LIN52: variants seen among roughly 807,000 people sequenced by gnomAD.
LIN52 encodes lin-52 DREAM MuvB core complex component, also known as protein lin-52 homolog.
LIN52 carries 4 observed loss-of-function variants against 18.5 expected under a neutral mutation model. The observed-to-expected ratio is 0.22, with a 90% confidence interval of 0.11 to 0.49. The LOEUF (loss-of-function observed/expected upper bound fraction) is 0.49, where lower values mean the gene tolerates loss of function less well. LIN52 is among the 20% of genes least tolerant of loss of function. LIN52 has a pLI of 0.97. For missense variants in LIN52, 102 were observed against 139.5 expected (o/e 0.73, Z 1.35); for synonymous variants, 34 against 45.5 (o/e 0.75, Z 1.02).
chr14:74,164,272 C>T lies in LIN52; in HGVS notation c.284-34650C>T, dbSNP rs577549736. The stretch of plus-strand genomic sequence containing the variant: ...CTGGGATTACAGGCGTGAGCCACTG[C>T]GCCCAGCCGTTTTTGTTTTTTTTTG... On this transcript the variant is annotated intron_variant, in intron 5 of 5. Coordinates refer to ENST00000555028, the MANE Select transcript of LIN52 (RefSeq NM_001024674.3). Among the ~76,000 whole-genome samples, 8 of 132,996 alleles carry T rather than the reference C, an allele frequency of 6.0e-5. No individual in the cohort carries two copies. The South Asian group carries it at 7.2e-4, about 12-fold the overall frequency. 87.3% of individuals were successfully genotyped at this position (132,996 alleles called of 152,430 possible). A position where few individuals can be genotyped will look rare whatever the true frequency, so the allele number is the denominator to read the frequency against.
intron 5 of LIN52, among the ~76,000 whole-genome samples, chr14:74,148,904 A>G (rs1412807304): frequency 6.6e-6 from 1 of 152,250 alleles, no homozygotes; most frequent in Non-Finnish European, 1.5e-5. Flanking sequence ...GAAAGCCACC[A>G]TCAAGTGTCT....
intron 4 of LIN52, among the ~76,000 whole-genome samples, chr14:74,098,285 G>A (rs1256115459): frequency 3.9e-5 from 6 of 152,060 alleles, no homozygotes; most frequent in African/African-American, 1.4e-4. Context: ...TTGGGAGGCC[G>A]AGGTGGGTGG....
chr14:74,116,311 AAAAAT>A (rs1006279939), intron 5 of LIN52, among the ~76,000 whole-genome samples: 4 of 104,898 alleles, frequency 3.8e-5, no homozygotes, highest in African/African-American at 1.1e-4. Flanking sequence ...TCAAAAAATA[AAAAAT>A]AAAAAAAATA....
chr14:74,197,894 A>G (rs2078924058), intron 5 of LIN52, among the ~76,000 whole-genome samples: 1 of 152,206 alleles, frequency 6.6e-6, no homozygotes, highest in Admixed American at 6.5e-5. Flanking sequence ...GGCAACAAGG[A>G]GGCCAGGGTG....
chr14:74,140,992 T>A lies in LIN52; in HGVS notation c.283+39754T>A, dbSNP rs2061127509. ...AGCTATCGTAGGAACATTACAATGA[T>A]GTTAACTACAAAAGGAACAGTTTTA... On this transcript the variant is annotated intron_variant, in intron 5 of 5. Transcript: ENST00000555028. Among the ~76,000 whole-genome samples, 4 of 152,192 alleles carry A rather than the reference T, an allele frequency of 2.6e-5. 1 individual carries two copies. The highest frequency in any genetic ancestry group is 2.6e-4 in the Admixed American group (4 of 15,280).
chr14:74,180,500 C>T lies in LIN52; in HGVS notation c.284-18422C>T, dbSNP rs967792786. Among the ~76,000 whole-genome samples the T allele has an allele frequency of 8.8e-4, 134 of 151,974 alleles. 1 individual carries two copies. The highest frequency in any genetic ancestry group is 7.8e-4 in the East Asian group (4 of 5,142). ...GTCTCGATCTCCTGACCTCGTGATCCACTCGCCTCGGCCTCCCAAAGTACT... is the reference window on the plus strand; with the variant it reads ...GTCTCGATCTCCTGACCTCGTGATCTACTCGCCTCGGCCTCCCAAAGTACT... On this transcript the variant is annotated intron_variant, in intron 5 of 5. Coordinates refer to ENST00000555028, the MANE Select transcript of LIN52 (RefSeq NM_001024674.3).
At position 74,108,020 on chromosome 14, in the gene LIN52, C is replaced by T. The variant is rs2060907483; in HGVS notation, c.283+6782C>T. Among the ~76,000 whole-genome samples the T allele has an allele frequency of 2.0e-5, 3 of 152,156 alleles. No individual in the cohort carries two copies. The South Asian group carries it at 6.2e-4, about 32-fold the overall frequency. Reference sequence around the variant, plus strand: ...AACCTTGCACCCATTAGCAGTCACTCCCCATTACTTCCCAAACTCCCCAGA... The same window carrying T: ...AACCTTGCACCCATTAGCAGTCACTTCCCATTACTTCCCAAACTCCCCAGA... On this transcript the variant is annotated intron_variant, in intron 5 of 5. Coordinates refer to ENST00000555028, the MANE Select transcript of LIN52 (RefSeq NM_001024674.3).
Position 74,088,721 on chromosome 14 carries a change from T to G in LIN52, c.20-2511T>G, listed in dbSNP as rs10142864. ...ACATTTTGTACGTATGTATATTTTC[T>G]GGGGAGTGAGTTCATTTTATTTCCC... On this transcript the variant is annotated intron_variant, in intron 1 of 5. Coordinates refer to ENST00000555028, the MANE Select transcript of LIN52 (RefSeq NM_001024674.3). Among the ~76,000 whole-genome samples, 1,260 of 152,324 alleles carry G rather than the reference T, an allele frequency of 8.3e-3. 17 individuals carry two copies. Among genetic ancestry groups the G allele is most frequent in the African/African-American group, 0.029 (1,196 of 41,568 alleles).
intron 4 of LIN52, among the ~76,000 whole-genome samples, chr14:74,100,768 G>A (rs573703681): frequency 3.3e-5 from 5 of 152,266 alleles, no homozygotes; most frequent in African/African-American, 9.6e-5. Context: ...GAGCCACCAT[G>A]CCTGGCTGAA....
chr14:74,197,829 GC>G (rs987172692), intron 5 of LIN52, among the ~76,000 whole-genome samples: 1 of 152,220 alleles, frequency 6.6e-6, no homozygotes. Flanking sequence ...TTAAATTGGG[GC>G]AGAGGGGAGC....
At chr14:74,117,954 A>G (rs1237265795) in intron 5 of LIN52, among the ~76,000 whole-genome samples, 4 of 152,354 alleles carry the variant, frequency 2.6e-5, no homozygotes, top group Non-Finnish European at 5.9e-5. Flanking sequence ...ATAAAATAGA[A>G]GTAATGATTT....
chr14:74,097,732 A>G, intron 3 of LIN52, 62 bp from the exon 4 acceptor site: 1 of 1,245,682 alleles, frequency 8.0e-7, no homozygotes. Flanking sequence ...CACTTCTTAT[A>G]AGAATAATAG....
intron 5 of LIN52, among the ~76,000 whole-genome samples, chr14:74,133,614 A>T (rs1400730917): frequency 6.6e-6 from 1 of 152,244 alleles, no homozygotes; most frequent in Non-Finnish European, 1.5e-5. Context: ...CAAACATAAC[A>T]GTCCTTTAAA....
chr14:74,105,311 G>C (rs1408376488), intron 5 of LIN52, among the ~76,000 whole-genome samples: 2 of 152,158 alleles, frequency 1.3e-5, no homozygotes, highest in Non-Finnish European at 1.5e-5. Flanking sequence ...AACTGTATAA[G>C]AGAAATGCTT....
chr14:74,175,752 C>CACACACACACACACACACA (rs1566867516), intron 5 of LIN52, among the ~76,000 whole-genome samples: 3 of 116,136 alleles, frequency 2.6e-5, no homozygotes, highest in African/African-American at 1.2e-4. Flanking sequence ...ACACACACAC[C>CACACACACACACACACACA]CCCATTATAC....
intron 5 of LIN52, among the ~76,000 whole-genome samples, chr14:74,138,581 C>T (rs773138078): frequency 2.6e-5 from 4 of 152,008 alleles, no homozygotes; most frequent in Non-Finnish European, 5.9e-5. Flanking sequence ...AGCGAGTCTC[C>T]ATCTCTACAG....
At chr14:74,085,407 T>G (rs929341789) in intron 1 of LIN52, 2 of 160,546 alleles carry the variant, frequency 1.2e-5, no homozygotes, top group African/African-American at 4.8e-5. Flanking sequence ...ATGGAATGAT[T>G]CTCACAAACC....
At chr14:74,112,015 G>T (rs1566850540) in intron 5 of LIN52, among the ~76,000 whole-genome samples, 1 of 151,940 alleles carries the variant, frequency 6.6e-6, no homozygotes, top group Non-Finnish European at 1.5e-5. Context: ...CGAGTAACTG[G>T]GATTACAGGC....
intron 5 of LIN52, among the ~76,000 whole-genome samples, chr14:74,101,585 A>G (rs1595151319): frequency 6.6e-6 from 1 of 150,686 alleles, no homozygotes; most frequent in Non-Finnish European, 1.5e-5. Context: ...CAGCCTCCCA[A>G]GTAGCTGGGA....
Sources: gnomAD v4.1 joint callset for allele counts (sites outside exome capture counted in the v4.1 genomes callset) on GRCh38, gnomAD v4.1.1 for gene constraint, MANE v1.5 for transcripts, NCBI Gene and HGNC (gene_info 2026-07-23, HGNC 2026-07-21) for gene names.